The following CA10 variants were observed in gnomAD, a reference collection of about 807,000 sequenced individuals.
The protein encoded by CA10 is carbonic anhydrase-related protein 10.
In CA10, 14 loss-of-function variants were observed where a neutral mutation model predicts 44.2. That is an observed-to-expected ratio of 0.32 (90% CI 0.21 to 0.50). CA10 has a LOEUF of 0.50. CA10 is among the 20% of genes least tolerant of loss of function. CA10 has a pLI of 0.99. For missense variants in CA10, 350 were observed against 409.7 expected, an observed-to-expected ratio of 0.85 and a Z score of 1.26; for synonymous variants, 159 against 141.6, an observed-to-expected ratio of 1.12 and a Z score of -0.87.
intron 2 of CA10, among the ~76,000 whole-genome samples, chr17:52,054,656 A>AT (rs1987174336): frequency 6.6e-6 from 1 of 152,014 alleles, no homozygotes; most frequent in Admixed American, 6.6e-5. Flanking sequence ...TCTCCCCCAG[A>AT]CACCCAGCTT....
intron 2 of CA10, among the ~76,000 whole-genome samples, chr17:52,047,775 C>T (rs1986952300): frequency 1.3e-5 from 2 of 151,726 alleles, no homozygotes; most frequent in African/African-American, 4.8e-5. Context: ...ATCACTAAAA[C>T]TACAAAATTA....
upstream of CA10, among the ~76,000 whole-genome samples, chr17:52,158,922 G>A (rs1314575047): frequency 6.6e-6 from 1 of 152,116 alleles, no homozygotes; most frequent in Non-Finnish European, 1.5e-5. Flanking sequence ...GTGAGGCTGA[G>A]CGCGGCCATG....
intron 4 of CA10, among the ~76,000 whole-genome samples, chr17:51,717,647 A>ACATATATGCG (rs1567815183): frequency 8.1e-5 from 5 of 62,068 alleles, no homozygotes; most frequent in Non-Finnish European, 1.4e-4. Context: ...ATGTATATAT[A>ACATATATGCG]CATATATACG....
At position 51,717,853 on chromosome 17, in the gene CA10, A is replaced by ACGTG. The variant is rs1312509641; in HGVS notation, c.465+29779_465+29780insCACG. Among the ~76,000 whole-genome samples, 35 of 36,656 alleles carry ACGTG rather than the reference A, an allele frequency of 9.5e-4. 5 individuals carry two copies. The highest frequency in any genetic ancestry group is 2.2e-3 in the African/African-American group (30 of 13,788). 24.0% of individuals were successfully genotyped at this position (36,656 alleles called of 152,430 possible). A position where few individuals can be genotyped will look rare whatever the true frequency, so the allele number is the denominator to read the frequency against. ...TGTATATATATATATATATATATATATATATATATATATATACAGGATAGA... is the reference window on the plus strand; with the variant it reads ...TGTATATATATATATATATATATATACGTGTATATATATATATATACAGGATAGA... On this transcript the variant is annotated intron_variant, in intron 4 of 8. Coordinates refer to ENST00000451037, the MANE Select transcript of CA10 (RefSeq NM_020178.5).
chr17:51,830,251 T>C (rs1259495647), intron 3 of CA10, among the ~76,000 whole-genome samples: 2 of 149,384 alleles, frequency 1.3e-5, no homozygotes, highest in Non-Finnish European at 3.0e-5. Context: ...CAAGAGAGTA[T>C]TTACACATAG....
chr17:51,837,634 C>A (rs985236535), intron 3 of CA10, among the ~76,000 whole-genome samples: 1 of 152,210 alleles, frequency 6.6e-6, no homozygotes, highest in African/African-American at 2.4e-5. Context: ...TTAGCTGGAA[C>A]CACTGCTTCA....
intron 3 of CA10, among the ~76,000 whole-genome samples, chr17:51,795,300 C>T (rs778692875): frequency 2.0e-5 from 3 of 152,152 alleles, no homozygotes; most frequent in Non-Finnish European, 2.9e-5. Context: ...GACCAACATT[C>T]GAAATGATGG....
At chr17:51,856,862 A>G (rs527509535) in intron 3 of CA10, among the ~76,000 whole-genome samples, 5 of 152,332 alleles carry the variant, frequency 3.3e-5, no homozygotes, top group African/African-American at 9.6e-5. Flanking sequence ...ATGGTTCTAC[A>G]TGTAGAGAAA....
chr17:52,037,635 A>G lies in CA10; in HGVS notation c.136+34684T>C, dbSNP rs191961825. 5.7e-3 allele frequency among the ~76,000 whole-genome samples: 861 copies of G among 152,208 alleles called. 5 individuals are homozygous for G. The highest frequency in any genetic ancestry group is 0.02 in the African/African-American group (811 of 41,548). ...ATAAAGATTTGAAAGCTTTACTCTC[A>G]CCCTCTCCCCAAGGACATTCCAAGC... On this transcript the variant is annotated intron_variant, in intron 2 of 8. Coordinates refer to ENST00000451037, the MANE Select transcript of CA10 (RefSeq NM_020178.5).
chr17:51,747,118 G>A (rs1904716289), intron 4 of CA10, among the ~76,000 whole-genome samples: 1 of 152,184 alleles, frequency 6.6e-6, no homozygotes, highest in Non-Finnish European at 1.5e-5. Context: ...GTTCTGTCTG[G>A]GTTGATGGTG....
intron 1 of CA10, among the ~76,000 whole-genome samples, chr17:52,127,567 C>G (rs1405730572): frequency 6.6e-6 from 1 of 152,144 alleles, no homozygotes; most frequent in Non-Finnish European, 1.5e-5. Context: ...AGAATCCACT[C>G]CAGTTAAGCA....
intron 3 of CA10, among the ~76,000 whole-genome samples, chr17:51,853,043 T>C (rs1978864448): frequency 6.6e-6 from 1 of 152,108 alleles, no homozygotes; most frequent in South Asian, 2.1e-4. Context: ...TTATCATATG[T>C]CCTTGGAAAA....
chr17:51,979,329 TA>T (rs1984571156), intron 2 of CA10, among the ~76,000 whole-genome samples: 1 of 152,188 alleles, frequency 6.6e-6, no homozygotes, highest in African/African-American at 2.4e-5. Context: ...AACATCTTAA[TA>T]TTTTTTAAAC....
intron 1 of CA10, among the ~76,000 whole-genome samples, chr17:52,143,745 C>A (rs1339739119): frequency 1.3e-5 from 2 of 152,076 alleles, no homozygotes; most frequent in African/African-American, 4.8e-5. Context: ...GTGGATTAGT[C>A]ACAGCAGGCC....
At chr17:51,841,421 T>G (rs943959415) in intron 3 of CA10, among the ~76,000 whole-genome samples, 1 of 152,184 alleles carries the variant, frequency 6.6e-6, no homozygotes, top group Non-Finnish European at 1.5e-5. Flanking sequence ...TCTTTGCTAG[T>G]GACATTTTAC....
At chr17:51,680,368 C>T (rs1914803682) in intron 4 of CA10, among the ~76,000 whole-genome samples, 1 of 152,180 alleles carries the variant, frequency 6.6e-6, no homozygotes, top group Admixed American at 6.5e-5. Flanking sequence ...CTGCCAGCTT[C>T]CTTCTGAATG....
intron 5 of CA10, 98 bp from the exon 6 acceptor site, chr17:51,649,352 C>T: frequency 1.1e-6 from 1 of 891,448 alleles, no homozygotes; most frequent in South Asian, 1.4e-5. Context: ...TACTGAGTAT[C>T]TACCATGAGC....
Position 52,158,028 on chromosome 17 carries a change from T to C in CA10, c.-242A>G, listed in dbSNP as rs2143433010. 2 of 565,424 alleles carry C rather than the reference T, an allele frequency of 3.5e-6. No homozygotes were observed. The highest frequency in any genetic ancestry group is 4.0e-5 in the South Asian group (2 of 50,398). 35.0% of individuals were successfully genotyped at this position (565,424 alleles called of 1,614,324 possible). On this transcript the variant is annotated 5_prime_UTR_variant, in exon 1 of 9. Coordinates refer to ENST00000451037, the MANE Select transcript of CA10 (RefSeq NM_020178.5). ...CCCAGATGTGCTGACACATGTCCGA[T>C]GCCTCGCTGCCTTGGAGGTCTCCCC...
At chr17:51,953,184 C>T (rs1983546137) in intron 2 of CA10, among the ~76,000 whole-genome samples, 1 of 152,210 alleles carries the variant, frequency 6.6e-6, no homozygotes, top group East Asian at 1.9e-4. Flanking sequence ...AATATTTGCT[C>T]CATCAGGAGT....
Sources: gnomAD v4.1 joint callset for allele counts (sites outside exome capture counted in the v4.1 genomes callset) on GRCh38, gnomAD v4.1.1 for gene constraint, MANE v1.5 for transcripts, NCBI Gene and HGNC (gene_info 2026-07-23, HGNC 2026-07-21) for gene names.